LRBA: variants seen among roughly 807,000 people sequenced by gnomAD.
LRBA encodes LPS responsive beige-like anchor protein.
Under a neutral mutation model 330.0 loss-of-function variants are expected in LRBA, and 176 were observed. The ratio of observed to expected loss-of-function variants is 0.53; its 90% CI spans 0.47 to 0.60. The LOEUF is 0.60. LRBA is among the 20% of genes least tolerant of loss of function. LRBA has a pLI of 0.00. For synonymous variants in LRBA, 1,230 were observed against 1,193.0 expected, an observed-to-expected ratio of 1.03 and a Z score of -0.64; for missense variants, 3,259 against 3,444.8, an observed-to-expected ratio of 0.95 and a Z score of 1.35.
chr4:150,629,768 CAG>C (rs1777195496), intron 37 of LRBA, among the ~76,000 whole-genome samples: 1 of 151,346 alleles, frequency 6.6e-6, no homozygotes, highest in Admixed American at 6.6e-5. Context: ...TCAGGAGTTC[CAG>C]ACCAGCCTGG....
At position 150,646,720 on chromosome 4, in the gene LRBA, A is replaced by C. The variant is rs886438028; in HGVS notation, c.5921+36831T>G. 5.3e-5 allele frequency among the ~76,000 whole-genome samples: 8 copies of C among 152,142 alleles called. No individual in the cohort carries two copies. In the South Asian group the frequency reaches 1.0e-3, roughly 20 times the overall value. ...AAAATGATCAACTGTGTCATATGTCAATAGATAAGCATACTCACTATAGGT... is the reference window on the plus strand; with the variant it reads ...AAAATGATCAACTGTGTCATATGTCCATAGATAAGCATACTCACTATAGGT... On this transcript the variant is annotated intron_variant, in intron 37 of 56. Transcript: ENST00000651943.
intron 48 of LRBA, among the ~76,000 whole-genome samples, chr4:150,328,224 G>C (rs892635333): frequency 1.3e-5 from 2 of 152,144 alleles, no homozygotes; most frequent in Admixed American, 6.6e-5. Context: ...AAACAAGTTT[G>C]GCAGGAGAAA....
At chr4:150,888,939 A>C (rs1336296624) in intron 17 of LRBA, among the ~76,000 whole-genome samples, 1 of 152,160 alleles carries the variant, frequency 6.6e-6, no homozygotes, top group African/African-American at 2.4e-5. Context: ...AGATAGAGAG[A>C]GAGACAGAGA....
At chr4:150,424,264 G>C (rs1286886495) in intron 46 of LRBA, among the ~76,000 whole-genome samples, 1 of 152,126 alleles carries the variant, frequency 6.6e-6, no homozygotes. Context: ...CATCGATAGG[G>C]TCTTGAAAAT....
intron 40 of LRBA, among the ~76,000 whole-genome samples, chr4:150,503,758 T>C (rs1760638030): frequency 6.6e-6 from 1 of 151,886 alleles, no homozygotes; most frequent in Non-Finnish European, 1.5e-5. Context: ...CTTTGACGAG[T>C]TGAGAGAAGA....
At chr4:150,395,212 T>C (rs1414448139) in intron 47 of LRBA, among the ~76,000 whole-genome samples, 1 of 152,196 alleles carries the variant, frequency 6.6e-6, no homozygotes, top group Non-Finnish European at 1.5e-5. Flanking sequence ...TTAATATATT[T>C]AAATTCCATA....
At chr4:150,838,687 T>C (rs1479973216) in intron 28 of LRBA, among the ~76,000 whole-genome samples, 1 of 152,168 alleles carries the variant, frequency 6.6e-6, no homozygotes, top group Non-Finnish European at 1.5e-5. Flanking sequence ...TAGTTTGCCA[T>C]TCGTCTAATC....
chr4:150,657,447 C>A (rs1780315123), intron 37 of LRBA, among the ~76,000 whole-genome samples: 1 of 151,800 alleles, frequency 6.6e-6, no homozygotes, highest in Non-Finnish European at 1.5e-5. Context: ...AATATTTATT[C>A]CATTTATTCT....
intron 33 of LRBA, among the ~76,000 whole-genome samples, chr4:150,804,729 T>G (rs1742286449): frequency 1.3e-5 from 2 of 152,134 alleles, no homozygotes; most frequent in Admixed American, 1.3e-4. Flanking sequence ...AAAGCCAGAT[T>G]TAGCAACCAC....
At chr4:150,559,815 A>T (rs1379706265) in intron 40 of LRBA, among the ~76,000 whole-genome samples, 1 of 70,580 alleles carries the variant, frequency 1.4e-5, no homozygotes, top group African/African-American at 5.4e-5. Flanking sequence ...TATATATAAT[A>T]ATATATAATA....
chr4:150,436,396 A>G (rs1046313532), intron 45 of LRBA, among the ~76,000 whole-genome samples: 1 of 152,208 alleles, frequency 6.6e-6, no homozygotes, highest in Non-Finnish European at 1.5e-5. Flanking sequence ...TCCAAAATAT[A>G]TAAGTACATG....
chr4:150,639,588 CA>C (rs879128535), intron 37 of LRBA, among the ~76,000 whole-genome samples: 150 of 46,256 alleles, frequency 3.2e-3, no homozygotes, highest in Middle Eastern at 0.014. Flanking sequence ...GCAGAAGGAG[CA>C]AAAAAAAAAA....
chr4:150,872,732 G>A lies in LRBA; in HGVS notation c.2189C>T (p.Ser730Leu), dbSNP rs777959133. 1.0e-5 allele frequency: 16 copies of A among 1,601,984 alleles called. No homozygotes were observed. The East Asian group carries it at 2.3e-4, about 23-fold the overall frequency. Residue 730 changes from serine (S) to leucine (L), a missense_variant, in exon 18 of 57, where the codon TCG becomes TTG. Transcript: ENST00000651943. The part of the protein sequence containing the change: ...GLRVIYKLLA[S>L]KSEGIRVQAL... ...TTGTACCCTGATTCCTTCACTTTTC[G>A]ATGCCAGAAGTTTGTAGATAACACT...
intron 48 of LRBA, among the ~76,000 whole-genome samples, chr4:150,327,098 T>C (rs980719713): frequency 6.6e-6 from 1 of 152,042 alleles, no homozygotes; most frequent in Admixed American, 6.6e-5. Flanking sequence ...TATATGAACT[T>C]ATGGACTTAG....
At chr4:150,825,367 T>C (rs1746080940) in intron 30 of LRBA, among the ~76,000 whole-genome samples, 1 of 152,114 alleles carries the variant, frequency 6.6e-6, no homozygotes, top group African/African-American at 2.4e-5. Context: ...AGTTCATCTC[T>C]TTTTATGGGG....
intron 40 of LRBA, among the ~76,000 whole-genome samples, chr4:150,550,693 T>C (rs1021942462): frequency 2.0e-5 from 3 of 152,218 alleles, no homozygotes; most frequent in African/African-American, 7.2e-5. Flanking sequence ...GTCCCCAAAA[T>C]ATGATGAGTT....
At chr4:150,904,426 A>G (rs1443347249) in intron 13 of LRBA, among the ~76,000 whole-genome samples, 2 of 152,220 alleles carry the variant, frequency 1.3e-5, no homozygotes, top group East Asian at 3.8e-4. Flanking sequence ...AATATTATCA[A>G]CTCAACTGCA....
chr4:150,839,876 T>TA (rs1202234061), intron 28 of LRBA, among the ~76,000 whole-genome samples: 1 of 151,480 alleles, frequency 6.6e-6, no homozygotes, highest in African/African-American at 2.4e-5. Context: ...CCCTAGAACT[T>TA]AAAGTATTAA....
chr4:150,959,920 C>CTT (rs751166801), intron 2 of LRBA, among the ~76,000 whole-genome samples: 3 of 136,196 alleles, frequency 2.2e-5, no homozygotes, highest in African/African-American at 5.8e-5. Context: ...CGTATACATA[C>CTT]TTTTTTTTTT....
Sources: allele counts gnomAD v4.1 joint callset (sites outside exome capture counted in the v4.1 genomes callset), GRCh38; gene constraint gnomAD v4.1.1; transcripts MANE v1.5; gene names NCBI Gene and HGNC (gene_info 2026-07-23, HGNC 2026-07-21).